The following LRFN5 variants were observed in gnomAD, a reference collection of about 807,000 sequenced individuals.
LRFN5 encodes the protein leucine rich repeat and fibronectin type III domain containing 5.
A neutral mutation model predicts 45.6 loss-of-function variants in LRFN5; 24 were observed. That is an observed-to-expected ratio of 0.53 (90% CI 0.38 to 0.74). The LOEUF is 0.74. Ranked by LOEUF, LRFN5 falls within the 30% of genes least tolerant of loss-of-function variation. LRFN5 has a pLI of 0.00. For synonymous variants in LRFN5, 340 were observed against 313.8 expected, an observed-to-expected ratio of 1.08 and a Z score of -0.88; for missense variants, 776 against 861.5, an observed-to-expected ratio of 0.90 and a Z score of 1.24.
At chr14:41,641,832 C>T (rs991430570) in intron 1 of LRFN5, among the ~76,000 whole-genome samples, 2 of 152,068 alleles carry the variant, frequency 1.3e-5, no homozygotes, top group Non-Finnish European at 2.9e-5. Context: ...TCACACAAAT[C>T]AACTGATGTT....
chr14:41,836,076 T>A (rs761616920), intron 2 of LRFN5, among the ~76,000 whole-genome samples: 3 of 152,104 alleles, frequency 2.0e-5, no homozygotes, highest in Non-Finnish European at 4.4e-5. Flanking sequence ...TTTAAAAGAA[T>A]CACAAAGATA....
chr14:41,670,771 G>GA (rs1178075591), intron 1 of LRFN5, among the ~76,000 whole-genome samples: 2 of 151,900 alleles, frequency 1.3e-5, no homozygotes, highest in Non-Finnish European at 2.9e-5. Flanking sequence ...CATAATGTCA[G>GA]AAAGCAAAGT....
chr14:41,863,871 C>T (rs1335118831), intron 2 of LRFN5, among the ~76,000 whole-genome samples: 2 of 151,976 alleles, frequency 1.3e-5, no homozygotes, highest in Admixed American at 6.6e-5. Flanking sequence ...ATGTGATCTC[C>T]CTCTCCCTGT....
At chr14:41,673,291 G>A (rs1881330268) in intron 1 of LRFN5, among the ~76,000 whole-genome samples, 1 of 151,666 alleles carries the variant, frequency 6.6e-6, no homozygotes, top group Non-Finnish European at 1.5e-5. Flanking sequence ...AGTAGGGGCA[G>A]CCGGGCAGAG....
chr14:41,859,540 A>G (rs540608040), intron 2 of LRFN5, among the ~76,000 whole-genome samples: 24 of 152,288 alleles, frequency 1.6e-4, no homozygotes, highest in African/African-American at 5.5e-4. Context: ...ACAAATATCT[A>G]TTGTGTAACC....
chr14:41,843,280 G>A (rs12432215), intron 2 of LRFN5, among the ~76,000 whole-genome samples: 27,134 of 151,524 alleles, frequency 0.18, 2,572 homozygotes, highest in Non-Finnish European at 0.21. Flanking sequence ...GTTTTGTAGA[G>A]ATGAGGTCTC....
At chr14:41,776,514 C>A (rs1886298647) in intron 2 of LRFN5, among the ~76,000 whole-genome samples, 1 of 151,950 alleles carries the variant, frequency 6.6e-6, no homozygotes, top group Non-Finnish European at 1.5e-5. Context: ...GTATGGATGC[C>A]TTAATTTAGT....
intron 1 of LRFN5, among the ~76,000 whole-genome samples, chr14:41,660,089 G>A (rs1218807927): frequency 6.6e-6 from 1 of 152,046 alleles, no homozygotes; most frequent in African/African-American, 2.4e-5. Context: ...GCAATGGCAT[G>A]ATCTTGGCTC....
At chr14:41,880,458 AT>A (rs1325824012) in intron 2 of LRFN5, among the ~76,000 whole-genome samples, 6 of 152,132 alleles carry the variant, frequency 3.9e-5, no homozygotes, top group South Asian at 2.1e-4. Context: ...CAAATACACT[AT>A]TTTTTATACC....
chr14:41,818,030 CTA>C (rs1405938107), intron 2 of LRFN5, among the ~76,000 whole-genome samples: 1 of 152,066 alleles, frequency 6.6e-6, no homozygotes, highest in Non-Finnish European at 1.5e-5. Flanking sequence ...TGTATTTCCT[CTA>C]TGTATTTTGG....
chr14:41,759,863 A>G (rs1311779922), intron 1 of LRFN5, among the ~76,000 whole-genome samples: 2 of 152,234 alleles, frequency 1.3e-5, no homozygotes, highest in African/African-American at 4.8e-5. Flanking sequence ...GTAAAGTGCT[A>G]AGATTGCAGT....
chr14:41,687,523 A>G (rs1693931154), intron 1 of LRFN5, among the ~76,000 whole-genome samples: 1 of 152,226 alleles, frequency 6.6e-6, no homozygotes, highest in South Asian at 2.1e-4. Context: ...TTCTACTATA[A>G]AGACACACGC....
intron 2 of LRFN5, among the ~76,000 whole-genome samples, chr14:41,854,853 T>C (rs1222487957): frequency 6.6e-6 from 1 of 152,206 alleles, no homozygotes; most frequent in African/African-American, 2.4e-5. Context: ...CTCAATACAC[T>C]TACAAATTCA....
intron 1 of LRFN5, among the ~76,000 whole-genome samples, chr14:41,690,912 C>T (rs1453502655): frequency 6.6e-6 from 1 of 151,780 alleles, no homozygotes; most frequent in East Asian, 1.9e-4. Flanking sequence ...TTTGTGTGAA[C>T]TCTTGTTTAT....
chr14:41,886,019 C>CAAAAAAAA (rs35648547), intron 2 of LRFN5, among the ~76,000 whole-genome samples: 13 of 88,768 alleles, frequency 1.5e-4, no homozygotes, highest in African/African-American at 6.1e-4. Context: ...AGGCTCGTCT[C>CAAAAAAAA]AAAAAAAAAA....
chr14:41,634,051 C>A (rs1888643077), intron 1 of LRFN5, among the ~76,000 whole-genome samples: 1 of 152,070 alleles, frequency 6.6e-6, no homozygotes, highest in African/African-American at 2.4e-5. Flanking sequence ...ATTTGCTTTG[C>A]CTCTATTATA....
At chr14:41,643,929 C>G (rs187598288) in intron 1 of LRFN5, among the ~76,000 whole-genome samples, 1 of 152,236 alleles carries the variant, frequency 6.6e-6, no homozygotes, top group African/African-American at 2.4e-5. Context: ...TAAATATGCC[C>G]AAACTAATCT....
At chr14:41,649,970 T>A (rs77884591) in intron 1 of LRFN5, among the ~76,000 whole-genome samples, 3,227 of 152,262 alleles carry the variant, frequency 0.021, 101 homozygotes, top group African/African-American at 0.07. Context: ...TTTTTAACAT[T>A]TGTAGTGCTC....
At chr14:41,818,299 G>C (rs1382183219) in intron 2 of LRFN5, among the ~76,000 whole-genome samples, 1 of 151,314 alleles carries the variant, frequency 6.6e-6, no homozygotes, top group Non-Finnish European at 1.5e-5. Flanking sequence ...ATTTTTTCCA[G>C]TTTGCTTTTT....
Sources: gnomAD v4.1 joint callset for allele counts (sites outside exome capture counted in the v4.1 genomes callset) on GRCh38, gnomAD v4.1.1 for gene constraint, MANE v1.5 for transcripts, NCBI Gene and HGNC (gene_info 2026-07-23, HGNC 2026-07-21) for gene names.